The following CSRNP3 variants were observed in gnomAD, a reference collection of about 807,000 sequenced individuals.
The protein encoded by CSRNP3 is cysteine/serine-rich nuclear protein 3.
A neutral mutation model predicts 48.0 loss-of-function variants in CSRNP3; 12 were observed. The ratio of observed to expected loss-of-function variants is 0.25; its 90% CI spans 0.16 to 0.41. The LOEUF (loss-of-function observed/expected upper bound fraction) is 0.41, where lower values mean the gene tolerates loss of function less well. Among genes scored for constraint, CSRNP3 ranks in the 10% least tolerant of loss-of-function variants. The pLI, the probability that CSRNP3 is intolerant of heterozygous loss-of-function variation, is 1.00. For synonymous variants in CSRNP3, 263 were observed against 269.7 expected (o/e 0.98, Z 0.24); for missense variants, 580 against 724.4 (o/e 0.80, Z 2.29).
intron 1 of CSRNP3, among the ~76,000 whole-genome samples, chr2:165,483,308 T>C (rs1169404385): frequency 6.6e-6 from 1 of 152,138 alleles, no homozygotes; most frequent in Admixed American, 6.6e-5. Context: ...CTTATATTTG[T>C]GGAAAAGTCA....
At chr2:165,555,270 C>T (rs1211397515) in intron 3 of CSRNP3, among the ~76,000 whole-genome samples, 1 of 152,146 alleles carries the variant, frequency 6.6e-6, no homozygotes, top group Non-Finnish European at 1.5e-5. Flanking sequence ...CCACTTCCAC[C>T]AGAATGAAAG....
intron 5 of CSRNP3, among the ~76,000 whole-genome samples, chr2:165,676,038 C>CT (rs1687416919): frequency 6.6e-6 from 1 of 152,146 alleles, no homozygotes; most frequent in South Asian, 2.1e-4. Context: ...ACATAGCACT[C>CT]TCTAAAAGCT....
At chr2:165,543,084 C>T (rs1262628856) in intron 3 of CSRNP3, among the ~76,000 whole-genome samples, 1 of 152,090 alleles carries the variant, frequency 6.6e-6, no homozygotes, top group Non-Finnish European at 1.5e-5. Context: ...AGTTAGCTGG[C>T]TTCCTGGGAT....
intron 3 of CSRNP3, among the ~76,000 whole-genome samples, chr2:165,562,105 G>T (rs936677786): frequency 1.1e-4 from 17 of 151,892 alleles, no homozygotes; most frequent in African/African-American, 3.4e-4. Context: ...GTTTACAAAG[G>T]GCCATTAGAA....
chr2:165,471,410 C>T (rs1446736034), intron 1 of CSRNP3, among the ~76,000 whole-genome samples: 1 of 151,856 alleles, frequency 6.6e-6, no homozygotes, highest in African/African-American at 2.4e-5. Context: ...TATTCATCTC[C>T]TAAAATGTAT....
At chr2:165,542,498 T>A (rs1264748574) in intron 3 of CSRNP3, among the ~76,000 whole-genome samples, 3 of 152,170 alleles carry the variant, frequency 2.0e-5, no homozygotes, top group Non-Finnish European at 4.4e-5. Flanking sequence ...ACTACTTTTT[T>A]AAGTTGTCAA....
chr2:165,599,932 CTT>C (rs10706848), intron 4 of CSRNP3, among the ~76,000 whole-genome samples: 423 of 146,942 alleles, frequency 2.9e-3, no homozygotes, highest in South Asian at 4.5e-3. Flanking sequence ...CATTGGGATT[CTT>C]TTTTTTTTTT....
chr2:165,593,092 C>T (rs565067908), intron 3 of CSRNP3, among the ~76,000 whole-genome samples: 6 of 152,150 alleles, frequency 3.9e-5, no homozygotes, highest in Admixed American at 1.3e-4. Flanking sequence ...TGAGCCACCG[C>T]GCCCGGCCTA....
intron 2 of CSRNP3, among the ~76,000 whole-genome samples, chr2:165,513,351 G>A (rs1457611187): frequency 2.0e-5 from 3 of 152,172 alleles, no homozygotes; most frequent in Non-Finnish European, 2.9e-5. Context: ...CTCCACTTGT[G>A]TTCATAGACC....
At chr2:165,489,787 G>C (rs1321430710) in intron 1 of CSRNP3, among the ~76,000 whole-genome samples, 1 of 118,696 alleles carries the variant, frequency 8.4e-6, no homozygotes, top group African/African-American at 3.4e-5. Context: ...AGGTATTGAT[G>C]GGACGTATTT....
At chr2:165,656,847 T>G (rs1003137687) in intron 4 of CSRNP3, among the ~76,000 whole-genome samples, 12 of 151,662 alleles carry the variant, frequency 7.9e-5, no homozygotes, top group African/African-American at 2.7e-4. Flanking sequence ...ACTATGTGTC[T>G]TTTTTGATTA....
intron 3 of CSRNP3, among the ~76,000 whole-genome samples, chr2:165,530,985 A>C (rs1465781626): frequency 6.6e-6 from 1 of 151,342 alleles, no homozygotes; most frequent in South Asian, 2.1e-4. Flanking sequence ...TTTTTTTTTC[A>C]GTGATCATTT....
chr2:165,595,264 C>T (rs1685791359), intron 4 of CSRNP3, 51 bp downstream of exon 4: 3 of 1,474,814 alleles, frequency 2.0e-6, no homozygotes, highest in Admixed American at 3.6e-5. Context: ...TACAGCAAAA[C>T]TAATTGTGTC....
intron 1 of CSRNP3, among the ~76,000 whole-genome samples, chr2:165,477,483 A>AATATAT (rs200408228): frequency 0.016 from 2,103 of 129,514 alleles, 63 homozygotes; most frequent in African/African-American, 0.055. Flanking sequence ...ATATATATGA[A>AATATAT]ATATATATAT....
chr2:165,670,741 C>T (rs1266577827), intron 5 of CSRNP3, among the ~76,000 whole-genome samples: 1 of 152,120 alleles, frequency 6.6e-6, no homozygotes, highest in Non-Finnish European at 1.5e-5. Flanking sequence ...CTGCTTCTAC[C>T]ACTTCTTTAA....
intron 1 of CSRNP3, among the ~76,000 whole-genome samples, chr2:165,492,724 T>TAAAAAAAAAAAAAAA (rs11304265): frequency 9.1e-6 from 1 of 110,182 alleles, no homozygotes; most frequent in African/African-American, 3.6e-5. Flanking sequence ...ACTATTAGAG[T>TAAAAAAAAAAAAAAA]AAAAAAAAAA....
At chr2:165,520,797 A>G (rs1169625449) in intron 3 of CSRNP3, among the ~76,000 whole-genome samples, 1 of 27,676 alleles carries the variant, frequency 3.6e-5, no homozygotes, top group African/African-American at 2.0e-4. Flanking sequence ...ATATATATAT[A>G]TATATATATA....
chr2:165,533,302 T>C (rs1333568506), intron 3 of CSRNP3, among the ~76,000 whole-genome samples: 1 of 152,034 alleles, frequency 6.6e-6, no homozygotes, highest in Admixed American at 6.6e-5. Flanking sequence ...AATACAAAAG[T>C]TCAATTAGAA....
chr2:165,530,373 A>G (rs1240571555), intron 3 of CSRNP3, among the ~76,000 whole-genome samples: 2 of 152,164 alleles, frequency 1.3e-5, no homozygotes, highest in Non-Finnish European at 2.9e-5. Flanking sequence ...TGGCTCTCCC[A>G]ATTTTAATAA....
Sources: allele counts gnomAD v4.1 joint callset (sites outside exome capture counted in the v4.1 genomes callset), GRCh38; gene constraint gnomAD v4.1.1; transcripts MANE v1.5; gene names NCBI Gene and HGNC (gene_info 2026-07-23, HGNC 2026-07-21).